Variants in RBMS3 observed in about 807,000 individuals in gnomAD.
RBMS3 encodes the protein RNA binding motif single stranded interacting protein 3, also known as RNA-binding motif, single-stranded-interacting protein 3.
Under a neutral mutation model 66.8 loss-of-function variants are expected in RBMS3, and 27 were observed. That is an observed-to-expected ratio of 0.40 (90% CI 0.30 to 0.56). The LOEUF is 0.56. Ranked by LOEUF, RBMS3 falls within the 20% of genes least tolerant of loss-of-function variation. RBMS3 has a pLI of 0.40. For synonymous variants in RBMS3, 188 were observed against 183.0 expected, an observed-to-expected ratio of 1.03 and a Z score of -0.22; for missense variants, 513 against 549.5, an observed-to-expected ratio of 0.93 and a Z score of 0.66.
At chr3:29,908,328 T>C (rs1164434351) in intron 10 of RBMS3, among the ~76,000 whole-genome samples, 1 of 152,030 alleles carries the variant, frequency 6.6e-6, no homozygotes, top group Non-Finnish European at 1.5e-5. Context: ...TGTTGCATAG[T>C]TGATAGTCAT....
chr3:29,778,993 A>C (rs1433107818), intron 6 of RBMS3, among the ~76,000 whole-genome samples: 1 of 151,848 alleles, frequency 6.6e-6, no homozygotes, highest in Non-Finnish European at 1.5e-5. Context: ...TGATACATAG[A>C]ATGAATATTA....
chr3:29,638,423 T>C (rs2049555620), intron 4 of RBMS3, among the ~76,000 whole-genome samples: 1 of 151,828 alleles, frequency 6.6e-6, no homozygotes, highest in South Asian at 2.1e-4. Context: ...AACTCACAAC[T>C]CTTAATATTC....
chr3:29,470,250 A>G (rs2042679195), intron 2 of RBMS3, among the ~76,000 whole-genome samples: 2 of 151,942 alleles, frequency 1.3e-5, no homozygotes, highest in Non-Finnish European at 2.9e-5. Flanking sequence ...TAAAATTGCA[A>G]TTTGACAGTA....
At chr3:29,599,714 C>A (rs2048080158) in intron 4 of RBMS3, among the ~76,000 whole-genome samples, 1 of 152,038 alleles carries the variant, frequency 6.6e-6, no homozygotes, top group African/African-American at 2.4e-5. Flanking sequence ...TAAAAAGGAA[C>A]AAAACCTAGC....
intron 4 of RBMS3, among the ~76,000 whole-genome samples, chr3:29,695,314 AC>A (rs1407104378): frequency 2.0e-5 from 3 of 152,212 alleles, no homozygotes; most frequent in Non-Finnish European, 2.9e-5. Flanking sequence ...GATTAGTGAT[AC>A]TAATGCTACT....
chr3:29,609,808 T>C (rs556780403), intron 4 of RBMS3, among the ~76,000 whole-genome samples: 13 of 152,132 alleles, frequency 8.5e-5, no homozygotes, highest in African/African-American at 2.9e-4. Flanking sequence ...AAGGTGTGTA[T>C]ATGTCAGTGT....
intron 1 of RBMS3, among the ~76,000 whole-genome samples, chr3:29,327,153 T>C (rs996895889): frequency 6.6e-6 from 1 of 152,072 alleles, no homozygotes; most frequent in Non-Finnish European, 1.5e-5. Context: ...GACATGAAAA[T>C]TGAAAGTACA....
chr3:29,582,864 A>T (rs2047380680), intron 3 of RBMS3, among the ~76,000 whole-genome samples: 1 of 152,084 alleles, frequency 6.6e-6, no homozygotes. Flanking sequence ...TGCAATGTTT[A>T]TTTCTAGAAT....
intron 1 of RBMS3, among the ~76,000 whole-genome samples, chr3:29,363,864 TA>T (rs201452432): frequency 9.9e-5 from 15 of 151,682 alleles, no homozygotes; most frequent in African/African-American, 2.9e-4. Context: ...AAAAAATTGA[TA>T]AAAATTTTTT....
At chr3:29,423,344 T>C (rs2040824753) in intron 1 of RBMS3, among the ~76,000 whole-genome samples, 1 of 152,188 alleles carries the variant, frequency 6.6e-6, no homozygotes, top group African/African-American at 2.4e-5. Flanking sequence ...AAATACACCT[T>C]TTCCCCTCAA....
chr3:29,801,269 T>C (rs1461537350), intron 6 of RBMS3, among the ~76,000 whole-genome samples: 1 of 96,110 alleles, frequency 1.0e-5, no homozygotes, highest in Non-Finnish European at 2.5e-5. Context: ...CATTGCTTTT[T>C]TTCTTTTTTT....
chr3:29,917,150 A>T (rs1186618543), intron 10 of RBMS3, among the ~76,000 whole-genome samples: 2 of 152,084 alleles, frequency 1.3e-5, no homozygotes, highest in Non-Finnish European at 2.9e-5. Context: ...AACCAAAAAA[A>T]GATCCTCTCT....
At chr3:29,439,451 G>A (rs1029888619) in intron 2 of RBMS3, among the ~76,000 whole-genome samples, 3 of 152,112 alleles carry the variant, frequency 2.0e-5, no homozygotes, top group South Asian at 4.1e-4. Context: ...GAAAAATTAT[G>A]TGTGGTGAAA....
rs142026939 is a variant in RBMS3, at chr3:29,594,195, A to T, written c.399+6990A>T. 6.4e-3 allele frequency among the ~76,000 whole-genome samples: 970 copies of T among 152,260 alleles called. 13 individuals carry two copies. Among genetic ancestry groups the T allele is most frequent in the African/African-American group, 0.022 (927 of 41,560 alleles). ...TCATAACAATAGAAGAGTTGCATAA[A>T]CTACCATCATTTCCCCCCTTTTTTG... is the stretch of plus-strand genomic sequence containing the variant. On this transcript the variant is annotated intron_variant, in intron 4 of 14. Transcript: ENST00000383767.
chr3:29,920,684 A>C (rs2060748239), intron 10 of RBMS3, among the ~76,000 whole-genome samples: 1 of 152,054 alleles, frequency 6.6e-6, no homozygotes, highest in Non-Finnish European at 1.5e-5. Context: ...TAACTTAAAT[A>C]CCTCAGATAG....
chr3:29,740,356 C>T (rs2054582096), intron 5 of RBMS3, among the ~76,000 whole-genome samples: 1 of 152,050 alleles, frequency 6.6e-6, no homozygotes, highest in Non-Finnish European at 1.5e-5. Flanking sequence ...ACTGAGAAGA[C>T]CCAGCAAACT....
intron 12 of RBMS3, among the ~76,000 whole-genome samples, chr3:29,984,627 G>A (rs771380170): frequency 5.9e-5 from 9 of 151,988 alleles, no homozygotes; most frequent in Non-Finnish European, 1.3e-4. Flanking sequence ...TGATGTTGAC[G>A]CTATTCCTTT....
chr3:29,970,483 A>G (rs543537759), intron 12 of RBMS3, among the ~76,000 whole-genome samples: 124 of 152,162 alleles, frequency 8.1e-4, no homozygotes, highest in Middle Eastern at 3.4e-3. Context: ...CGCCTCTCTT[A>G]ATGTTCAGAC....
At chr3:29,365,121 C>A (rs2037824870) in intron 1 of RBMS3, among the ~76,000 whole-genome samples, 1 of 151,976 alleles carries the variant, frequency 6.6e-6, no homozygotes, top group African/African-American at 2.4e-5. Flanking sequence ...CAAGATTATT[C>A]AATAGTACCT....
Sources: allele counts gnomAD v4.1 joint callset (sites outside exome capture counted in the v4.1 genomes callset), GRCh38; gene constraint gnomAD v4.1.1; transcripts MANE v1.5; gene names NCBI Gene and HGNC (gene_info 2026-07-23, HGNC 2026-07-21).